TBRG4: variants seen among roughly 807,000 people sequenced by gnomAD.
The protein encoded by TBRG4 is FAST kinase domain-containing protein 4.
In TBRG4, 43 loss-of-function variants were observed where a neutral mutation model predicts 65.6. The observed-to-expected ratio is 0.66, with a 90% CI of 0.51 to 0.85. The LOEUF (loss-of-function observed/expected upper bound fraction) is 0.85. Among genes scored for constraint, TBRG4 ranks in the 40% least tolerant of loss-of-function variants. The pLI is 0.00. For synonymous variants in TBRG4, 366 were observed against 341.4 expected, an observed-to-expected ratio of 1.07 and a Z score of -0.79; for missense variants, 709 against 787.9, an observed-to-expected ratio of 0.90 and a Z score of 1.20.
rs532475330 is a variant in TBRG4 at position 45,100,906 on chromosome 7, G to A, written c.1794+352C>T. On this transcript the variant is annotated intron_variant, in intron 10 of 10. Transcript: ENST00000258770. The stretch of plus-strand genomic sequence containing the variant: ...GGTCCTACTTTTCCTGACAACAGGC[G>A]CTGACCAAGGGGGCAGAGCAGCTGC... Among the ~76,000 whole-genome samples the A allele has an allele frequency of 3.2e-4, 49 of 152,356 alleles. No individual in the cohort carries two copies. The South Asian group carries it at 0.01, about 32-fold the overall frequency.
chr7:45,100,355 G>A lies in TBRG4; in HGVS notation c.1866C>T (p.Arg622=). ...QKGAYLKDKM[R]KAVAEELAK is the part of the protein sequence containing the mutation. ...TGGCCAGCTCCTCAGCCACCGCTTT[G>A]CGCATCTTGTCCTTGAGGTAGGCGC... Residue 622 remains arginine, a synonymous_variant, in exon 11 of 11, where the codon CGC becomes CGT. Transcript: ENST00000258770. 1.2e-6 allele frequency: 2 copies of A among 1,614,178 alleles called. No individual in the cohort carries two copies. Among genetic ancestry groups the A allele is most frequent in the Non-Finnish European group, 1.7e-6 (2 of 1,180,036 alleles).
chr7:45,109,505 A>G (rs1046866972), intron 1 of TBRG4, among the ~76,000 whole-genome samples: 5 of 152,240 alleles, frequency 3.3e-5, no homozygotes, highest in African/African-American at 1.2e-4. Flanking sequence ...GGAACATTAC[A>G]GCCTGGGTGG....
intron 3 of TBRG4, chr7:45,105,141 C>A (rs1054492091): frequency 1.5e-5 from 10 of 646,744 alleles, no homozygotes; most frequent in Non-Finnish European, 2.6e-5. Flanking sequence ...GCCTGCCATG[C>A]CCCCCTCTCA....
At chr7:45,105,146 C>A (rs531359442) in intron 3 of TBRG4, 4 of 646,730 alleles carry the variant, frequency 6.2e-6, no homozygotes, top group South Asian at 1.6e-5. Flanking sequence ...CCATGCCCCC[C>A]TCTCAAGATC....
chr7:45,104,227 A>T lies in TBRG4; in HGVS notation c.937T>A (p.Ser313Thr). ...GKLSFHQTQV[S>T]QRLATDLLSL... ...AGCAGGTCGGTGGCCAGGCGCTGGGACACCTGGGTCTGGTGAAAGCTGAGT... is the reference window on the plus strand; with the variant it reads ...AGCAGGTCGGTGGCCAGGCGCTGGGTCACCTGGGTCTGGTGAAAGCTGAGT... The change falls in exon 5 of 11, where the codon TCC (serine) becomes ACC (threonine). Residue 313 changes from serine to threonine, a missense_variant. By Grantham distance (58) the Ser-to-Thr change is moderately conservative. Transcript: ENST00000258770. The T allele has an allele frequency of 6.2e-7, 1 of 1,614,102 alleles. No individual in the cohort carries two copies.
At chr7:45,100,472 T>A in intron 10 of TBRG4, 46 bp from the exon 11 acceptor site, 1 of 1,497,244 alleles carries the variant, frequency 6.7e-7, no homozygotes, top group East Asian at 2.3e-5. Flanking sequence ...AGGAGATCCC[T>A]TCCAGCCAGT....
Position 45,109,068 on chromosome 7 carries a change from G to A in TBRG4, c.170C>T (p.Pro57Leu), listed in dbSNP as rs2304693. ...ISHLPGSLMEPVEKERASTPY... is the reference protein window; with the variant it reads ...ISHLPGSLMELVEKERASTPY... ...AGTAGATGCTCGTTCCTTCTCCACC[G>A]GCTCCATCAAGGAACCTGGGAGGTG... is the stretch of plus-strand genomic sequence containing the variant. Residue 57 changes from proline (P) to leucine (L), a missense_variant, in exon 2 of 11, where the codon CCG (proline) becomes CTG (leucine). Physicochemically the swap from Pro to Leu is moderately conservative, Grantham distance 98. Transcript: ENST00000258770. 271,294 of 1,613,968 alleles carry A rather than the reference G, an allele frequency of 0.17. 24,626 individuals are homozygous for A. The highest frequency in any genetic ancestry group is 0.28 in the Admixed American group (16,959 of 60,000).
chr7:45,109,162 C>A lies in TBRG4; in HGVS notation c.76G>T (p.Val26Phe). 1 of 1,614,042 alleles carries A rather than the reference C, an allele frequency of 6.2e-7. No individual in the cohort carries two copies. Among genetic ancestry groups the A allele is most frequent in the South Asian group, 1.1e-5 (1 of 91,074 alleles). The change falls in exon 2 of 11, where the codon GTT becomes TTT. Residue 26 changes from valine (V) to phenylalanine (F), a missense_variant. Coordinates refer to ENST00000258770, the MANE Select transcript of TBRG4 (RefSeq NM_004749.4). ...ACCCAGGCAAGTCTCAGTCGGCCAA[C>A]TGGAGCCATGGCAGGGGCCTGACGA... ...AARQAPAMAP[V>F]GRLRLAWVAH...
Position 45,101,671 on chromosome 7 carries a change from CA to C in TBRG4, c.1568-58del. On this transcript the variant is annotated intron_variant, in intron 8 of 10. Coordinates refer to ENST00000258770, the MANE Select transcript of TBRG4 (RefSeq NM_004749.4). ...GGGGGACATCCCTCAGAAACCCCCC[CA>C]CAGGAAAGATGAACAAAGATGGGAC... 3.1e-6 allele frequency: 5 copies of C among 1,601,058 alleles called. No individual in the cohort carries two copies. The South Asian group carries it at 5.5e-5, about 18-fold the overall frequency.
Position 45,105,136 on chromosome 7 carries a change from C to T in TBRG4, c.735+305G>A, listed in dbSNP as rs1784897654. The T allele has an allele frequency of 9.3e-6, 6 of 647,138 alleles. No homozygotes were observed. In the South Asian group the frequency reaches 9.5e-5, roughly 10 times the overall value. 40.1% of individuals were successfully genotyped at this position (647,138 alleles called of 1,614,324 possible). Reference sequence around the variant, plus strand: ...GCTGTGTTACTTCAGGAGCTGCCTGCCATGCCCCCCTCTCAAGATCGTGCT... The same window carrying T: ...GCTGTGTTACTTCAGGAGCTGCCTGTCATGCCCCCCTCTCAAGATCGTGCT... On this transcript the variant is annotated intron_variant, in intron 3 of 10. Transcript: ENST00000258770.
In TBRG4 at chr7:45,105,705, GC is replaced by G; in HGVS notation, c.470del (p.Gly157AlafsTer68). 6.2e-7 allele frequency: 1 copy of G among 1,613,988 alleles called. No individual in the cohort carries two copies. The highest frequency in any genetic ancestry group is 8.5e-7 in the Non-Finnish European group (1 of 1,180,030). On this transcript the variant is annotated frameshift_variant, in exon 3 of 11. Coordinates refer to ENST00000258770, the MANE Select transcript of TBRG4 (RefSeq NM_004749.4). LOFTEE classifies it high-confidence loss of function. ...GCAGCTCCTTGGAGGCCTTGGGGAT[GC>G]CCAGAGCATACAGGCTTCCCAGCAG... ...SKLLGSLYAL[G>X]IPKASKELQS... is the part of the protein sequence containing the mutation.
rs774002769 is a variant in TBRG4, at chr7:45,105,450, C to T, written c.726G>A (p.Leu242=). The T allele has an allele frequency of 5.6e-6, 9 of 1,599,568 alleles. No homozygotes were observed. Among genetic ancestry groups the T allele is most frequent in the Admixed American group, 3.4e-5 (2 of 59,318 alleles). ...CTTTCAGGCCCAGTACCTTGTCTTC[C>T]AGGCGGTTCATTAGTGGCTCCGAGA... The part of the protein sequence containing the change: ...GHLSEPLMNR[L]EDKCLELVEH... The change falls in exon 3 of 11, where the codon CTG becomes CTA. Residue 242 remains leucine (L), a synonymous_variant. Coordinates refer to ENST00000258770, the MANE Select transcript of TBRG4 (RefSeq NM_004749.4).
chr7:45,109,533 T>C (rs1162531792), intron 1 of TBRG4, among the ~76,000 whole-genome samples: 1 of 151,826 alleles, frequency 6.6e-6, no homozygotes, highest in East Asian at 2.0e-4. Flanking sequence ...TCCATCCTGC[T>C]TGTAATTTGA....
intron 5 of TBRG4, 156 bp from the exon 6 acceptor site, chr7:45,103,599 G>A (rs1256747833): frequency 6.4e-6 from 4 of 629,016 alleles, no homozygotes; most frequent in Non-Finnish European, 1.1e-5. Flanking sequence ...AACAGAGAAG[G>A]ACTTACACAG....
Position 45,100,218 on chromosome 7 carries a change from T to A in TBRG4, c.*107A>T. ...CAGAGTGGCTGGCCACCCTCCCCAC[T>A]CTGGCCAAGGTCCTGCACAGAGGTT... On this transcript the variant is annotated 3_prime_UTR_variant, in exon 11 of 11. Transcript: ENST00000258770. The A allele has an allele frequency of 2.3e-6, 2 of 864,464 alleles. No homozygotes were observed. Among genetic ancestry groups the A allele is most frequent in the African/African-American group, 3.4e-5 (2 of 59,004 alleles). The allele number at this position is 864,464 out of a possible 1,614,324, so 53.5% of individuals were successfully genotyped here.
intron 10 of TBRG4, among the ~76,000 whole-genome samples, chr7:45,100,942 C>T (rs1039510830): frequency 6.6e-6 from 1 of 152,252 alleles, no homozygotes; most frequent in African/African-American, 2.4e-5. Context: ...ACTCAGAGCC[C>T]CAACAGCTGT....
intron 1 of TBRG4, among the ~76,000 whole-genome samples, chr7:45,110,401 T>A (rs1198930446): frequency 6.6e-6 from 1 of 152,156 alleles, no homozygotes; most frequent in Non-Finnish European, 1.5e-5. Context: ...GCGCAGTGGC[T>A]CACGCCTGTA....
chr7:45,103,214 C>T, intron 6 of TBRG4, 119 bp downstream of exon 6: 1 of 770,774 alleles, frequency 1.3e-6, no homozygotes, highest in Middle Eastern at 2.4e-4. Flanking sequence ...CCCTCCCATG[C>T]CACACATAGT....
At position 45,108,972 on chromosome 7, in the gene TBRG4, A is replaced by G. The variant is rs1785039657; in HGVS notation, c.266T>C (p.Leu89Pro). 6.2e-7 allele frequency: 1 copy of G among 1,612,712 alleles called. No homozygotes were observed. Among genetic ancestry groups the G allele is most frequent in the Middle Eastern group, 1.7e-4 (1 of 6,056 alleles). ...GCTGTCCAAGTCGTGACTGCCACCA[A>G]GTAGCTCCAGGAGCTCCTCTGGCCT... ...ATRPEELLEL[L>P]GGSHDLDSNQ... Residue 89 changes from leucine (L) to proline (P), a missense_variant, in exon 2 of 11, where the codon CTT becomes CCT. Transcript: ENST00000258770.
Sources: gnomAD v4.1 joint callset for allele counts (sites outside exome capture counted in the v4.1 genomes callset) on GRCh38, gnomAD v4.1.1 for gene constraint, MANE v1.5 for transcripts, NCBI Gene and HGNC (gene_info 2026-07-23, HGNC 2026-07-21) for gene names.